The following BTBD9 variants were observed in gnomAD, a reference collection of about 807,000 sequenced individuals.
BTBD9 encodes BTB domain containing 9, also known as BTB/POZ domain-containing protein 9.
A neutral mutation model predicts 64.3 loss-of-function variants in BTBD9; 49 were observed. The ratio of observed to expected loss-of-function variants is 0.76; its 90% CI spans 0.61 to 0.97. BTBD9 has a LOEUF of 0.97. BTBD9 is among the 50% of genes least tolerant of loss of function. The pLI, the probability that BTBD9 is intolerant of heterozygous loss-of-function variation, is 0.00. For missense variants in BTBD9, 598 were observed against 762.1 expected (o/e 0.78, Z 2.53); for synonymous variants, 260 against 274.7 (o/e 0.95, Z 0.53).
chr6:38,589,321 A>C (rs1776689674), intron 4 of BTBD9, among the ~76,000 whole-genome samples: 1 of 152,206 alleles, frequency 6.6e-6, no homozygotes, highest in African/African-American at 2.4e-5. Flanking sequence ...AACCATGTGA[A>C]ATGTCCAAAA....
intron 6 of BTBD9, among the ~76,000 whole-genome samples, chr6:38,375,723 C>A (rs147152707): frequency 8.6e-5 from 13 of 151,912 alleles, no homozygotes; most frequent in African/African-American, 3.1e-4. Context: ...GGTTTGGTTG[C>A]GAAGGATAAA....
chr6:38,538,207 T>C (rs2814884), intron 6 of BTBD9, among the ~76,000 whole-genome samples: 273 of 152,284 alleles, frequency 1.8e-3, no homozygotes, highest in African/African-American at 6.3e-3. Context: ...AGTATAAATC[T>C]ATTCCTACAC....
At chr6:38,616,828 T>G (rs1777808098) in intron 1 of BTBD9, among the ~76,000 whole-genome samples, 1 of 152,074 alleles carries the variant, frequency 6.6e-6, no homozygotes, top group Non-Finnish European at 1.5e-5. Context: ...ACAATAAACC[T>G]TGCTACCGCT....
At chr6:38,366,869 T>C (rs1019971865) in intron 6 of BTBD9, among the ~76,000 whole-genome samples, 15 of 152,256 alleles carry the variant, frequency 9.9e-5, no homozygotes, top group Non-Finnish European at 4.4e-5. Context: ...CCTGTATTGT[T>C]GCTATTGCAA....
At chr6:38,248,215 T>A (rs1343316981) in intron 9 of BTBD9, among the ~76,000 whole-genome samples, 1 of 152,034 alleles carries the variant, frequency 6.6e-6, no homozygotes, top group Non-Finnish European at 1.5e-5. Flanking sequence ...AACACCTAGA[T>A]TGGGGGAAAA....
At chr6:38,301,096 T>C (rs1762382145) in intron 7 of BTBD9, among the ~76,000 whole-genome samples, 1 of 152,236 alleles carries the variant, frequency 6.6e-6, no homozygotes, top group Non-Finnish European at 1.5e-5. Context: ...TCAAAGGCCT[T>C]TTCTGCATCT....
chr6:38,425,947 CACACACACACA>C (rs2127285871), intron 6 of BTBD9, among the ~76,000 whole-genome samples: 1 of 147,342 alleles, frequency 6.8e-6, no homozygotes, highest in Non-Finnish European at 1.5e-5. Context: ...CACACACACA[CACACACACACA>C]AACAAAAGCA....
chr6:38,617,170 G>A (rs893563574), intron 1 of BTBD9, among the ~76,000 whole-genome samples: 7 of 152,108 alleles, frequency 4.6e-5, no homozygotes, highest in Admixed American at 2.0e-4. Flanking sequence ...AGTCGGGAGC[G>A]TTGCTTTGCC....
At position 38,608,560 on chromosome 6, in the gene BTBD9, T is replaced by C. The variant is rs376673977; in HGVS notation, c.-27-10439A>G. 4.6e-5 allele frequency among the ~76,000 whole-genome samples: 7 copies of C among 152,346 alleles called. No individual in the cohort carries two copies. The East Asian group carries it at 7.7e-4, about 17-fold the overall frequency. On this transcript the variant is annotated intron_variant, in intron 1 of 10. Coordinates refer to ENST00000481247, the MANE Select transcript of BTBD9 (RefSeq NM_001099272.2). ...AGTGGAATCATCAATTGCAGCAATT[T>C]AATTTCTTTGTAGCAAAGCTACTGT...
At chr6:38,417,128 T>G (rs151202662) in intron 6 of BTBD9, among the ~76,000 whole-genome samples, 83 of 152,304 alleles carry the variant, frequency 5.4e-4, no homozygotes, top group Non-Finnish European at 8.2e-4. Context: ...AAAATTTTTT[T>G]TGTGTGGAGA....
chr6:38,279,330 G>A (rs1232432971), intron 8 of BTBD9, among the ~76,000 whole-genome samples: 1 of 152,116 alleles, frequency 6.6e-6, no homozygotes, highest in African/African-American at 2.4e-5. Flanking sequence ...AAAAGTATCT[G>A]AACAAAGTGA....
chr6:38,589,121 C>T (rs1181367883), intron 4 of BTBD9, among the ~76,000 whole-genome samples: 1 of 152,194 alleles, frequency 6.6e-6, no homozygotes, highest in Non-Finnish European at 1.5e-5. Context: ...ATAGTCTCTT[C>T]CTTGAGCTCC....
intron 9 of BTBD9, among the ~76,000 whole-genome samples, chr6:38,218,675 C>G (rs746641599): frequency 6.6e-6 from 1 of 152,186 alleles, no homozygotes; most frequent in Non-Finnish European, 1.5e-5. Flanking sequence ...GCCTCTAAAT[C>G]CTGAAGTTGA....
At chr6:38,408,465 A>C (rs1489319799) in intron 6 of BTBD9, among the ~76,000 whole-genome samples, 2 of 152,186 alleles carry the variant, frequency 1.3e-5, no homozygotes, top group African/African-American at 4.8e-5. Flanking sequence ...AAAGAATCCA[A>C]AGCTTTGTGA....
At chr6:38,527,918 T>C (rs1773581472) in intron 6 of BTBD9, among the ~76,000 whole-genome samples, 1 of 151,564 alleles carries the variant, frequency 6.6e-6, no homozygotes, top group Non-Finnish European at 1.5e-5. Context: ...AACACCAAAT[T>C]TAACAACTAT....
At chr6:38,582,490 G>A (rs959747138) in intron 4 of BTBD9, among the ~76,000 whole-genome samples, 3 of 152,184 alleles carry the variant, frequency 2.0e-5, no homozygotes, top group African/African-American at 7.2e-5. Context: ...CCAGGAAGTA[G>A]CAGAGCTGAG....
chr6:38,470,893 T>C (rs1770619825), intron 6 of BTBD9, among the ~76,000 whole-genome samples: 1 of 152,230 alleles, frequency 6.6e-6, no homozygotes, highest in Non-Finnish European at 1.5e-5. Context: ...TAAAATCACA[T>C]TTAATTATAC....
intron 6 of BTBD9, among the ~76,000 whole-genome samples, chr6:38,384,876 A>C (rs2127617706): frequency 6.6e-6 from 1 of 152,174 alleles, no homozygotes; most frequent in South Asian, 2.1e-4. Flanking sequence ...AACATGGGGA[A>C]AGCAAGTTCT....
intron 6 of BTBD9, among the ~76,000 whole-genome samples, chr6:38,524,690 T>C (rs994478195): frequency 6.6e-6 from 1 of 152,196 alleles, no homozygotes; most frequent in African/African-American, 2.4e-5. Context: ...ATAGCTGATA[T>C]TCATTTTGGC....
Sources: allele counts gnomAD v4.1 joint callset (sites outside exome capture counted in the v4.1 genomes callset), GRCh38; gene constraint gnomAD v4.1.1; transcripts MANE v1.5; gene names NCBI Gene and HGNC (gene_info 2026-07-23, HGNC 2026-07-21).